PTDSS1: variants seen among roughly 807,000 people sequenced by gnomAD.
The protein encoded by PTDSS1 is phosphatidylserine synthase 1.
PTDSS1 carries 45 observed loss-of-function variants against 70.5 expected under a neutral mutation model. That is an observed-to-expected ratio of 0.64 (90% CI 0.50 to 0.82). The LOEUF is 0.82. PTDSS1 is among the 40% of genes least tolerant of loss of function. The probability of loss-of-function intolerance (pLI) is 0.00; values close to 1 mark genes in which losing one functional copy is unlikely to be tolerated. For synonymous variants in PTDSS1, 188 were observed against 203.8 expected (o/e 0.92, Z 0.66); for missense variants, 417 against 586.1 (o/e 0.71, Z 2.98).
chr8:96,319,616 G>A (rs1343733381), intron 9 of PTDSS1, among the ~76,000 whole-genome samples: 1 of 152,146 alleles, frequency 6.6e-6, no homozygotes, highest in Non-Finnish European at 1.5e-5. Context: ...AGGCTGGGAA[G>A]GAATGTGATT....
chr8:96,280,582 A>G (rs1249591842), intron 2 of PTDSS1, among the ~76,000 whole-genome samples: 1 of 152,212 alleles, frequency 6.6e-6, no homozygotes, highest in African/African-American at 2.4e-5. Flanking sequence ...AACAAAAAAG[A>G]AAAATAAAAT....
intron 4 of PTDSS1, among the ~76,000 whole-genome samples, chr8:96,292,249 G>A (rs1322178892): frequency 1.4e-5 from 2 of 142,694 alleles, no homozygotes; most frequent in African/African-American, 2.6e-5. Context: ...GCAGTGAGCC[G>A]AGATGGTGCC....
chr8:96,291,986 A>G lies in PTDSS1; in HGVS notation c.442-3112A>G, dbSNP rs186143826. 4.6e-5 allele frequency among the ~76,000 whole-genome samples: 7 copies of G among 152,242 alleles called. No homozygotes were observed. The East Asian group carries it at 1.2e-3, about 25-fold the overall frequency. On this transcript the variant is annotated intron_variant, in intron 4 of 12. Coordinates refer to ENST00000517309, the MANE Select transcript of PTDSS1 (RefSeq NM_014754.3). Reference sequence around the variant, plus strand: ...TAGGTATGACTTTTTGGAGGAGAAAAAAAGAAACCTGGGGCTGAGCATGGT... The same window carrying G: ...TAGGTATGACTTTTTGGAGGAGAAAGAAAGAAACCTGGGGCTGAGCATGGT...
intron 9 of PTDSS1, among the ~76,000 whole-genome samples, chr8:96,313,011 G>A (rs939814739): frequency 6.6e-6 from 1 of 152,198 alleles, no homozygotes; most frequent in African/African-American, 2.4e-5. Context: ...AGAAATGAGA[G>A]GGAGCAGTGC....
At chr8:96,291,115 G>C (rs1361912294) in intron 4 of PTDSS1, among the ~76,000 whole-genome samples, 1 of 152,028 alleles carries the variant, frequency 6.6e-6, no homozygotes, top group East Asian at 1.9e-4. Flanking sequence ...TGCTGACCCA[G>C]CTTTTCTTCT....
chr8:96,264,807 C>G (rs1187590367), intron 1 of PTDSS1, among the ~76,000 whole-genome samples: 1 of 152,150 alleles, frequency 6.6e-6, no homozygotes, highest in African/African-American at 2.4e-5. Context: ...CGAATTTTAA[C>G]AGCTTGTCCA....
chr8:96,264,439 C>T (rs2129979691), intron 1 of PTDSS1, among the ~76,000 whole-genome samples: 1 of 152,156 alleles, frequency 6.6e-6, no homozygotes, highest in Middle Eastern at 3.4e-3. Flanking sequence ...GTAGTATGCT[C>T]TGTAATTGAG....
chr8:96,274,741 T>C lies in PTDSS1; in HGVS notation c.271+1351T>C, dbSNP rs140039514. Among the ~76,000 whole-genome samples the C allele has an allele frequency of 9.7e-3, 1,483 of 152,112 alleles. 10 individuals carry two copies. The highest frequency in any genetic ancestry group is 0.016 in the Admixed American group (239 of 15,268). On this transcript the variant is annotated intron_variant, in intron 2 of 12. Transcript: ENST00000517309. ...CTCCATCTCAAAATAATAATAATAA[T>C]AATAATCCAAGTTTTCCATCGTAGT...
chr8:96,269,522 T>C (rs574753026), intron 1 of PTDSS1, among the ~76,000 whole-genome samples: 4 of 152,242 alleles, frequency 2.6e-5, no homozygotes, highest in South Asian at 2.1e-4. Context: ...CAACATGTCT[T>C]AGTTGAGCAA....
Position 96,262,235 on chromosome 8 carries a change from C to G in PTDSS1, c.179+16C>G, listed in dbSNP as rs763383429. On this transcript the variant is annotated intron_variant, in intron 1 of 12. Transcript: ENST00000517309. This position sits in a 1 kb window ranked among gnomAD's most constrained non-coding sequence, Gnocchi z 4.4. ...CCTTTACCAGGTGGGGCGGCCCAGC[C>G]GAGCGGGGGGCGCGTCCAAGGGCTA... 10 of 1,425,774 alleles carry G rather than the reference C, an allele frequency of 7.0e-6. No individual in the cohort carries two copies. Among genetic ancestry groups the G allele is most frequent in the Non-Finnish European group, 9.4e-6 (10 of 1,060,750 alleles). 88.3% of individuals were successfully genotyped at this position (1,425,774 alleles called of 1,614,324 possible). A position where few individuals can be genotyped will look rare whatever the true frequency, so the allele number is the denominator to read the frequency against.
Position 96,301,116 on chromosome 8 carries a change from T to C in PTDSS1, c.752+1271T>C, listed in dbSNP as rs114461625. On this transcript the variant is annotated intron_variant, in intron 6 of 12. Coordinates refer to ENST00000517309, the MANE Select transcript of PTDSS1 (RefSeq NM_014754.3). ...CATAAATGTGACTTTATTTTCCATT[T>C]TGTCACCCCCTTTTTTTTTGTTTGT... Among the ~76,000 whole-genome samples, 1,465 of 152,334 alleles carry C rather than the reference T, an allele frequency of 9.6e-3. 22 individuals are homozygous for C. The highest frequency in any genetic ancestry group is 0.033 in the African/African-American group (1,358 of 41,578).
At position 96,261,911 on chromosome 8, in the gene PTDSS1, C is replaced by G. The variant is rs750842315; in HGVS notation, c.-130C>G. 25 of 1,020,398 alleles carry G rather than the reference C, an allele frequency of 2.5e-5. No homozygotes were observed. The highest frequency in any genetic ancestry group is 3.1e-5 in the Non-Finnish European group (22 of 716,880). 63.2% of individuals were successfully genotyped at this position (1,020,398 alleles called of 1,614,324 possible). A position where few individuals can be genotyped will look rare whatever the true frequency, so the allele number is the denominator to read the frequency against. ...TCTCGCGCCTGTCCTTCCCTCTGCTCCCAGCCTTTGCTGGGCGCCAGACCC... is the reference window on the plus strand; with the variant it reads ...TCTCGCGCCTGTCCTTCCCTCTGCTGCCAGCCTTTGCTGGGCGCCAGACCC... On this transcript the variant is annotated 5_prime_UTR_variant, in exon 1 of 13. Coordinates refer to ENST00000517309, the MANE Select transcript of PTDSS1 (RefSeq NM_014754.3).
At chr8:96,321,640 T>C (rs1811373949) in intron 10 of PTDSS1, among the ~76,000 whole-genome samples, 1 of 152,224 alleles carries the variant, frequency 6.6e-6, no homozygotes, top group African/African-American at 2.4e-5. Context: ...GGTAATTGGA[T>C]CTAGAGGCTT....
chr8:96,322,492 T>A (rs1366869892), intron 10 of PTDSS1, among the ~76,000 whole-genome samples: 1 of 151,998 alleles, frequency 6.6e-6, no homozygotes, highest in South Asian at 2.1e-4. Context: ...ACTAAATCAC[T>A]AACACGCTCC....
chr8:96,329,577 C>T (rs1347737336), intron 10 of PTDSS1, among the ~76,000 whole-genome samples: 1 of 152,164 alleles, frequency 6.6e-6, no homozygotes, highest in Non-Finnish European at 1.5e-5. Flanking sequence ...CCTCTGGGCA[C>T]CCACAGGCCA....
rs191249266 is a variant in PTDSS1, at chr8:96,336,948, A to G, written c.*3382A>G. 1.4e-5 allele frequency: 2 copies of G among 145,166 alleles called. No homozygotes were observed. Among genetic ancestry groups the G allele is most frequent in the East Asian group, 4.1e-4 (2 of 4,930 alleles). 9.0% of individuals were successfully genotyped at this position (145,166 alleles called of 1,614,324 possible). On this transcript the variant is annotated 3_prime_UTR_variant, in exon 13 of 13. Coordinates refer to ENST00000517309, the MANE Select transcript of PTDSS1 (RefSeq NM_014754.3). ...GAGGTGGAGGTTCCAGTGAGCCGAG[A>G]TCACGCCACCGCACTCTCTAACCTG...
At chr8:96,278,970 C>G (rs1810690672) in intron 2 of PTDSS1, among the ~76,000 whole-genome samples, 1 of 137,238 alleles carries the variant, frequency 7.3e-6, no homozygotes, top group Non-Finnish European at 1.6e-5. Flanking sequence ...CATTCAGCCC[C>G]CCTTTTTTTT....
chr8:96,273,148 G>A (rs1810589961), intron 1 of PTDSS1, 151 bp from the exon 2 acceptor site: 2 of 573,110 alleles, frequency 3.5e-6, no homozygotes, highest in Admixed American at 3.5e-5. Flanking sequence ...ATTATTGTAT[G>A]ATCTGTATAA....
chr8:96,308,754 T>TA (rs1211054948), intron 8 of PTDSS1, among the ~76,000 whole-genome samples: 2 of 152,242 alleles, frequency 1.3e-5, no homozygotes, highest in African/African-American at 2.4e-5. Flanking sequence ...AACATATTAA[T>TA]AAAATGGATT....
Sources: gnomAD v4.1 joint callset for allele counts (sites outside exome capture counted in the v4.1 genomes callset) on GRCh38, gnomAD v4.1.1 for gene constraint, Gnocchi (gnomAD v3.1) non-coding constraint, MANE v1.5 for transcripts, NCBI Gene and HGNC (gene_info 2026-07-23, HGNC 2026-07-21) for gene names.